Variants in RGS7 observed in about 807,000 individuals in gnomAD.
The protein encoded by RGS7 is regulator of G-protein signaling 7.
A neutral mutation model predicts 81.1 loss-of-function variants in RGS7; 27 were observed. That is an observed-to-expected ratio of 0.33 (90% confidence interval 0.25 to 0.46). RGS7 has a LOEUF of 0.46. Among genes scored for constraint, RGS7 ranks in the 20% least tolerant of loss-of-function variants. RGS7 has a pLI of 1.00. For synonymous variants in RGS7, 208 were observed against 207.7 expected, an observed-to-expected ratio of 1.00 and a Z score of -0.01; for missense variants, 396 against 607.4, an observed-to-expected ratio of 0.65 and a Z score of 3.66.
intron 6 of RGS7, among the ~76,000 whole-genome samples, chr1:240,919,055 T>C (rs1317312455): frequency 6.6e-6 from 1 of 152,136 alleles, no homozygotes; most frequent in African/African-American, 2.4e-5. Context: ...ATAATCTAAA[T>C]AGGCTTATAC....
chr1:241,075,134 C>T (rs1439468955), intron 3 of RGS7, among the ~76,000 whole-genome samples: 2 of 152,036 alleles, frequency 1.3e-5, no homozygotes, highest in African/African-American at 4.8e-5. Flanking sequence ...GCTTTTCAGC[C>T]TGGAATGACT....
intron 9 of RGS7, among the ~76,000 whole-genome samples, chr1:240,854,309 T>G (rs968997187): frequency 6.6e-6 from 1 of 152,240 alleles, no homozygotes; most frequent in African/African-American, 2.4e-5. Context: ...TCTCCCCTCT[T>G]GGTCATCTAT....
chr1:241,172,738 T>C (rs1201642543), intron 2 of RGS7, among the ~76,000 whole-genome samples: 1 of 152,206 alleles, frequency 6.6e-6, no homozygotes, highest in African/African-American at 2.4e-5. Flanking sequence ...TCTGTTTCTG[T>C]AAAGTAGAAA....
At chr1:240,972,104 A>G (rs367910408) in intron 4 of RGS7, among the ~76,000 whole-genome samples, 50 of 152,342 alleles carry the variant, frequency 3.3e-4, no homozygotes, top group African/African-American at 1.2e-3. Context: ...ATCAAATCCA[A>G]GGAAATACAT....
At chr1:240,856,749 T>C (rs1034916420) in intron 9 of RGS7, among the ~76,000 whole-genome samples, 1 of 152,152 alleles carries the variant, frequency 6.6e-6, no homozygotes, top group Admixed American at 6.5e-5. Flanking sequence ...ATATTTTGCA[T>C]GTATCAATTC....
intron 2 of RGS7, among the ~76,000 whole-genome samples, chr1:241,102,087 G>A (rs2064787498): frequency 6.6e-6 from 1 of 152,116 alleles, no homozygotes; most frequent in Non-Finnish European, 1.5e-5. Flanking sequence ...AATAGGATTG[G>A]TGTTCTAGAC....
intron 6 of RGS7, among the ~76,000 whole-genome samples, chr1:240,927,800 C>G (rs1674703789): frequency 6.6e-6 from 1 of 152,034 alleles, no homozygotes; most frequent in East Asian, 1.9e-4. Flanking sequence ...GGAAAAAAAC[C>G]CAAACATAAT....
intron 2 of RGS7, among the ~76,000 whole-genome samples, chr1:241,347,419 C>T (rs536201536): frequency 6.6e-6 from 1 of 152,274 alleles, no homozygotes; most frequent in Non-Finnish European, 1.5e-5. Flanking sequence ...TATCACCCTC[C>T]TTTAAAAGTT....
intron 6 of RGS7, chr1:240,920,102 A>G (rs2148295826): frequency 3.3e-6 from 3 of 913,910 alleles, no homozygotes; most frequent in East Asian, 2.4e-5. Context: ...TTGCCTTTGT[A>G]ATCTTTGATG....
rs1004040279 is a variant in RGS7 at position 241,058,515 on chromosome 1, G to A, written c.175+40151C>T. ...CTTTATTTGAATTCTTTCTTCTGAAGAGGGAAGAATCGAGGTTGCTGAAAA... is the reference window on the plus strand; with the variant it reads ...CTTTATTTGAATTCTTTCTTCTGAAAAGGGAAGAATCGAGGTTGCTGAAAA... On this transcript the variant is annotated intron_variant, in intron 3 of 18. Transcript: ENST00000440928. Among the ~76,000 whole-genome samples, 19 of 152,202 alleles carry A rather than the reference G, an allele frequency of 1.2e-4. 1 individual carries two copies. Among genetic ancestry groups the A allele is most frequent in the Admixed American group, 1.1e-3 (17 of 15,280 alleles).
chr1:241,121,181 A>T (rs1288383694), intron 2 of RGS7, among the ~76,000 whole-genome samples: 4 of 152,188 alleles, frequency 2.6e-5, no homozygotes, highest in Non-Finnish European at 5.9e-5. Context: ...CCAAATTGTA[A>T]AATATTGGGT....
chr1:240,934,239 C>T (rs1292796752), intron 5 of RGS7, among the ~76,000 whole-genome samples: 4 of 152,302 alleles, frequency 2.6e-5, no homozygotes, highest in South Asian at 2.1e-4. Context: ...GGATCACAGG[C>T]GTGAGCCACT....
intron 3 of RGS7, among the ~76,000 whole-genome samples, chr1:241,068,774 G>A (rs1235315560): frequency 6.6e-6 from 1 of 152,214 alleles, no homozygotes; most frequent in East Asian, 1.9e-4. Flanking sequence ...TAGTTTGGAT[G>A]TTGTCCCTGC....
intron 3 of RGS7, among the ~76,000 whole-genome samples, chr1:241,088,007 C>CACAT (rs1165515897): frequency 6.1e-5 from 8 of 131,236 alleles, no homozygotes; most frequent in Admixed American, 2.2e-4. Flanking sequence ...CACACACACA[C>CACAT]ATATATATAT....
chr1:241,205,647 G>C (rs1240670966), intron 2 of RGS7, among the ~76,000 whole-genome samples: 4 of 151,622 alleles, frequency 2.6e-5, no homozygotes, highest in Non-Finnish European at 1.5e-5. Context: ...TTTTAGTAGA[G>C]ACAGAGTTTC....
chr1:241,205,114 G>C (rs557429418), intron 2 of RGS7, among the ~76,000 whole-genome samples: 1 of 130,570 alleles, frequency 7.7e-6, no homozygotes, highest in Non-Finnish European at 1.6e-5. Context: ...GTCTCACTCT[G>C]TCAACAGGCT....
At chr1:240,973,319 G>A (rs1368542045) in intron 4 of RGS7, among the ~76,000 whole-genome samples, 1 of 151,982 alleles carries the variant, frequency 6.6e-6, no homozygotes, top group Non-Finnish European at 1.5e-5. Flanking sequence ...AGGAGTTTGA[G>A]ACCAACTTGG....
intron 2 of RGS7, among the ~76,000 whole-genome samples, chr1:241,268,940 C>T (rs780141318): frequency 6.6e-6 from 1 of 152,188 alleles, no homozygotes; most frequent in African/African-American, 2.4e-5. Flanking sequence ...CAGAGAGAAG[C>T]CACATGCCCA....
intron 2 of RGS7, among the ~76,000 whole-genome samples, chr1:241,290,098 C>CAATGTATA (rs2079014126): frequency 6.6e-6 from 1 of 152,136 alleles, no homozygotes; most frequent in Admixed American, 6.6e-5. Context: ...ATGCAAATCT[C>CAATGTATA]CCTTTAAATT....
Sources: allele counts gnomAD v4.1 joint callset (sites outside exome capture counted in the v4.1 genomes callset), GRCh38; gene constraint gnomAD v4.1.1; transcripts MANE v1.5; gene names NCBI Gene and HGNC (gene_info 2026-07-23, HGNC 2026-07-21).